Variants in DPYD observed in about 807,000 individuals in gnomAD.
DPYD encodes dihydropyrimidine dehydrogenase [NADP(+)].
Under a neutral mutation model 116.2 loss-of-function variants are expected in DPYD, and 109 were observed. That is an observed-to-expected ratio of 0.94 (90% confidence interval 0.80 to 1.10). The LOEUF is 1.10. Ranked by LOEUF, DPYD falls within the 50% of genes least tolerant of loss-of-function variation. The probability of loss-of-function intolerance (pLI) is 0.00; values close to 1 mark genes in which losing one functional copy is unlikely to be tolerated. For synonymous variants in DPYD, 440 were observed against 432.0 expected (o/e 1.02, Z -0.23); for missense variants, 1,302 against 1,254.5 (o/e 1.04, Z -0.57).
intron 20 of DPYD, among the ~76,000 whole-genome samples, chr1:97,129,719 CA>C (rs1339000950): frequency 1.3e-5 from 2 of 152,194 alleles, no homozygotes; most frequent in African/African-American, 2.4e-5. Flanking sequence ...CATGCCACCA[CA>C]AGATGGTTAT....
chr1:97,333,271 C>A lies in DPYD; in HGVS notation c.2059-26974G>T, dbSNP rs548396455. ...GTATTTCTGGGCCTAGATCTACTGT[C>A]CAGAGTAATACACCCTTCTTGCCCA... On this transcript the variant is annotated intron_variant, in intron 16 of 22. Coordinates refer to ENST00000370192, the MANE Select transcript of DPYD (RefSeq NM_000110.4). 2.0e-5 allele frequency among the ~76,000 whole-genome samples: 3 copies of A among 151,820 alleles called. No individual in the cohort carries two copies. The South Asian group carries it at 6.3e-4, about 32-fold the overall frequency.
At chr1:97,788,422 G>A (rs1484526348) in intron 3 of DPYD, among the ~76,000 whole-genome samples, 3 of 152,100 alleles carry the variant, frequency 2.0e-5, no homozygotes, top group African/African-American at 7.2e-5. Context: ...CTTAGCTGAC[G>A]ATCAGTACCA....
intron 16 of DPYD, among the ~76,000 whole-genome samples, chr1:97,312,448 T>C (rs1191778061): frequency 2.0e-5 from 3 of 151,894 alleles, no homozygotes; most frequent in Admixed American, 1.3e-4. Flanking sequence ...ATTCAAAATA[T>C]GTGTACAAAG....
chr1:97,309,617 C>T (rs1382193558), intron 16 of DPYD, among the ~76,000 whole-genome samples: 2 of 151,518 alleles, frequency 1.3e-5, no homozygotes, highest in Non-Finnish European at 3.0e-5. Context: ...AAGCTAGAGG[C>T]AAATTTGGCC....
intron 5 of DPYD, among the ~76,000 whole-genome samples, chr1:97,701,867 A>G (rs558859378): frequency 7.8e-4 from 118 of 151,934 alleles, no homozygotes; most frequent in Non-Finnish European, 1.5e-3. Context: ...TAAAATATTT[A>G]AGGGAAGACA....
intron 16 of DPYD, among the ~76,000 whole-genome samples, chr1:97,349,870 G>T (rs1670050695): frequency 6.6e-6 from 1 of 151,170 alleles, no homozygotes; most frequent in African/African-American, 2.4e-5. Context: ...CCAGTAATGG[G>T]ATGGCTGTGT....
At chr1:97,541,527 T>C (rs1018368172) in intron 12 of DPYD, among the ~76,000 whole-genome samples, 2 of 152,168 alleles carry the variant, frequency 1.3e-5, no homozygotes, top group Non-Finnish European at 2.9e-5. Context: ...ATAATACACA[T>C]CTGGCTATTT....
At chr1:97,651,810 T>G (rs188241614) in intron 8 of DPYD, among the ~76,000 whole-genome samples, 1 of 152,228 alleles carries the variant, frequency 6.6e-6, no homozygotes, top group East Asian at 1.9e-4. Flanking sequence ...AATAATAAAT[T>G]TATAACATAA....
intron 3 of DPYD, among the ~76,000 whole-genome samples, chr1:97,816,896 G>C (rs1023537177): frequency 6.6e-6 from 1 of 152,152 alleles, no homozygotes; most frequent in East Asian, 1.9e-4. Context: ...CATGTTCATT[G>C]ATAAAATTGG....
At chr1:97,133,329 T>C (rs111254568) in intron 20 of DPYD, among the ~76,000 whole-genome samples, 3,363 of 152,206 alleles carry the variant, frequency 0.022, 62 homozygotes, top group African/African-American at 0.053. Flanking sequence ...AGTGATAACA[T>C]ACAATGGTAT....
intron 14 of DPYD, among the ~76,000 whole-genome samples, chr1:97,445,574 T>C (rs1676030801): frequency 6.6e-6 from 1 of 152,180 alleles, no homozygotes; most frequent in Admixed American, 6.5e-5. Flanking sequence ...ACCTAGTATG[T>C]ATACTTAGCC....
At chr1:97,445,748 T>C (rs1676047533) in intron 14 of DPYD, among the ~76,000 whole-genome samples, 1 of 150,868 alleles carries the variant, frequency 6.6e-6, no homozygotes, top group African/African-American at 2.5e-5. Flanking sequence ...TTTTGGAGAT[T>C]GAGTTTCACT....
chr1:97,453,088 C>A (rs1676505868), intron 13 of DPYD, among the ~76,000 whole-genome samples: 2 of 151,986 alleles, frequency 1.3e-5, no homozygotes, highest in South Asian at 4.1e-4. Flanking sequence ...ATCCCTGAAC[C>A]AAATGCTGTG....
chr1:97,873,622 C>CT (rs1671766520), intron 2 of DPYD, among the ~76,000 whole-genome samples: 1 of 151,190 alleles, frequency 6.6e-6, no homozygotes, highest in African/African-American at 2.4e-5. Context: ...GAGCAATTCA[C>CT]TTATCTTCAC....
intron 8 of DPYD, among the ~76,000 whole-genome samples, chr1:97,628,468 C>A (rs116368600): frequency 0.013 from 2,004 of 152,088 alleles, 21 homozygotes; most frequent in Middle Eastern, 0.024. Flanking sequence ...AGAGAAGATG[C>A]CTTTGGCATC....
At chr1:97,161,812 A>G (rs9725545) in intron 20 of DPYD, among the ~76,000 whole-genome samples, 1 of 146,556 alleles carries the variant, frequency 6.8e-6, no homozygotes, top group Non-Finnish European at 1.5e-5. Flanking sequence ...ATGAGTGAGA[A>G]CATGGGGTGT....
At chr1:97,749,471 C>T (rs2101093267) in intron 3 of DPYD, among the ~76,000 whole-genome samples, 1 of 152,148 alleles carries the variant, frequency 6.6e-6, no homozygotes, top group East Asian at 1.9e-4. Flanking sequence ...AAAATCCTTC[C>T]AAAGCTTTAC....
chr1:97,880,315 G>A (rs1398674875), intron 2 of DPYD, among the ~76,000 whole-genome samples: 1 of 151,718 alleles, frequency 6.6e-6, no homozygotes, highest in Non-Finnish European at 1.5e-5. Context: ...ATCAGTTACT[G>A]GTTACTGGCT....
rs552997981 is a variant in DPYD at position 97,719,199 on chromosome 1, C to T, written c.483+2311G>A. ...AAAAAAAAAAAAAAAAGCAGCTGGC[C>T]TCCTGATTCTACATAAGGCTATGCA... On this transcript the variant is annotated intron_variant, in intron 5 of 22. Coordinates refer to ENST00000370192, the MANE Select transcript of DPYD (RefSeq NM_000110.4). 7.2e-4 allele frequency among the ~76,000 whole-genome samples: 108 copies of T among 149,898 alleles called. 3 individuals are homozygous for T. The South Asian group carries it at 0.021, about 30-fold the overall frequency.
Sources: gnomAD v4.1 joint callset for allele counts (sites outside exome capture counted in the v4.1 genomes callset) on GRCh38, gnomAD v4.1.1 for gene constraint, MANE v1.5 for transcripts, NCBI Gene and HGNC (gene_info 2026-07-23, HGNC 2026-07-21) for gene names.